The following PACRG variants were observed in gnomAD, a reference collection of about 807,000 sequenced individuals.
PACRG encodes the protein parkin coregulated.
A neutral mutation model predicts 29.7 loss-of-function variants in PACRG; 29 were observed. The observed-to-expected ratio is 0.98, with a 90% CI of 0.73 to 1.33. The LOEUF (loss-of-function observed/expected upper bound fraction) is 1.33. Among genes scored for constraint, PACRG ranks in the 40% most tolerant of loss-of-function variants. The probability of loss-of-function intolerance (pLI) is 0.00; values close to 1 mark genes in which losing one functional copy is unlikely to be tolerated. For missense variants in PACRG, 279 were observed against 316.2 expected (o/e 0.88, Z 0.89); for synonymous variants, 116 against 118.7 (o/e 0.98, Z 0.15).
At chr6:163,068,230 A>G (rs1475105481) in intron 3 of PACRG, among the ~76,000 whole-genome samples, 1 of 152,200 alleles carries the variant, frequency 6.6e-6, no homozygotes, top group African/African-American at 2.4e-5. Context: ...TATGAAAGGT[A>G]TATTTTTTAG....
chr6:163,122,401 G>A (rs938094584), intron 4 of PACRG, among the ~76,000 whole-genome samples: 3 of 152,166 alleles, frequency 2.0e-5, no homozygotes, highest in Admixed American at 1.3e-4. Context: ...GATCCCCACT[G>A]TTAGAGGTGG....
chr6:162,882,458 T>C (rs533071335), intron 2 of PACRG, among the ~76,000 whole-genome samples: 1 of 152,168 alleles, frequency 6.6e-6, no homozygotes, highest in East Asian at 1.9e-4. Flanking sequence ...ACCAAGACTA[T>C]AGATGGATGG....
chr6:162,947,391 TATATA>T (rs1799167710), intron 2 of PACRG, among the ~76,000 whole-genome samples: 2 of 42,578 alleles, frequency 4.7e-5, no homozygotes, highest in Non-Finnish European at 1.2e-4. Flanking sequence ...TATATAATCA[TATATA>T]ATATATAATC....
chr6:163,249,588 A>C (rs1334840093), intron 4 of PACRG, among the ~76,000 whole-genome samples: 2 of 152,194 alleles, frequency 1.3e-5, no homozygotes, highest in Non-Finnish European at 2.9e-5. Flanking sequence ...GCCTGCTTAC[A>C]TTCCTGGTTT....
intron 2 of PACRG, among the ~76,000 whole-genome samples, chr6:162,899,058 C>A (rs1282759828): frequency 6.6e-6 from 1 of 152,088 alleles, no homozygotes; most frequent in Non-Finnish European, 1.5e-5. Flanking sequence ...TGGTTATATC[C>A]TAGGACAAAG....
At chr6:162,856,184 G>T (rs372032919) in intron 2 of PACRG, among the ~76,000 whole-genome samples, 14 of 151,946 alleles carry the variant, frequency 9.2e-5, no homozygotes, top group African/African-American at 2.4e-4. Flanking sequence ...TCAGCCTCCC[G>T]AGTAGCTGGG....
chr6:162,986,292 C>G (rs1014416941), intron 2 of PACRG, among the ~76,000 whole-genome samples: 1 of 152,146 alleles, frequency 6.6e-6, no homozygotes, highest in Admixed American at 6.5e-5. Context: ...GAAGGCCTCA[C>G]ATTACTTAAC....
chr6:163,054,855 A>T (rs1239989337), intron 2 of PACRG, among the ~76,000 whole-genome samples: 1 of 152,136 alleles, frequency 6.6e-6, no homozygotes, highest in Admixed American at 6.5e-5. Context: ...TGGGCAGGAA[A>T]GATGGAGAGG....
intron 2 of PACRG, among the ~76,000 whole-genome samples, chr6:162,866,424 TAATATTTATGATTAAAGTCTGGC>T (rs1792301915): frequency 6.6e-6 from 1 of 152,188 alleles, no homozygotes; most frequent in Admixed American, 6.5e-5. Context: ...CTCTTTATTA[TAATATTTATGATTAAAGTCTGGC>T]AACATTTATG....
chr6:163,095,274 T>G (rs1275376045), intron 4 of PACRG: 1 of 985,190 alleles, frequency 1.0e-6, no homozygotes, highest in Non-Finnish European at 1.2e-6. Context: ...ATAAAAAGCA[T>G]CAGGGGAGTG....
chr6:163,239,880 ACT>A (rs1782408929), intron 4 of PACRG, among the ~76,000 whole-genome samples: 1 of 135,686 alleles, frequency 7.4e-6, no homozygotes, highest in Non-Finnish European at 1.5e-5. Flanking sequence ...ACATACACAC[ACT>A]CTGACACACA....
chr6:163,302,476 C>A (rs1391613800), intron 4 of PACRG, among the ~76,000 whole-genome samples: 7 of 152,166 alleles, frequency 4.6e-5, no homozygotes, highest in African/African-American at 1.7e-4. Flanking sequence ...TTATTTTTAA[C>A]TAAGACAGTT....
intron 2 of PACRG, among the ~76,000 whole-genome samples, chr6:162,995,543 G>A (rs546886242): frequency 3.9e-5 from 6 of 152,334 alleles, no homozygotes; most frequent in East Asian, 1.9e-4. Context: ...CTCAGAAAGC[G>A]AACTCCCTGA....
chr6:163,066,223 G>A (rs1811531760), intron 3 of PACRG, among the ~76,000 whole-genome samples: 1 of 152,152 alleles, frequency 6.6e-6, no homozygotes, highest in Non-Finnish European at 1.5e-5. Flanking sequence ...ATAATACTGA[G>A]GCTAAGATTT....
chr6:163,300,430 G>A (rs544658212), intron 4 of PACRG, among the ~76,000 whole-genome samples: 1 of 149,086 alleles, frequency 6.7e-6, no homozygotes, highest in South Asian at 2.2e-4. Context: ...GGTAGATGCG[G>A]GGATTTTCGC....
chr6:162,909,075 C>A (rs1299712820), intron 2 of PACRG, among the ~76,000 whole-genome samples: 1 of 152,168 alleles, frequency 6.6e-6, no homozygotes, highest in East Asian at 1.9e-4. Context: ...CCTTTTCCTG[C>A]TTTAGTCTCA....
At chr6:163,191,589 A>T (rs762861544) in intron 4 of PACRG, 1 of 454,738 alleles carries the variant, frequency 2.2e-6, no homozygotes, top group East Asian at 6.9e-5. Flanking sequence ...TCGTTGAGCT[A>T]AGATACACTC....
rs958548891 is a variant in PACRG, at chr6:163,033,917, G to T, written c.292-28233G>T. ...CCTAAGCCCATGTTCTATCCCTAGG[G>T]ACCCCTCATTGTGACAGAACAATAA... On this transcript the variant is annotated intron_variant, in intron 2 of 4. Transcript: ENST00000366888. 3.3e-5 allele frequency among the ~76,000 whole-genome samples: 5 copies of T among 152,232 alleles called. No homozygotes were observed. In the East Asian group the frequency reaches 9.7e-4, roughly 29 times the overall value.
At chr6:163,153,993 T>C (rs1778211653) in intron 4 of PACRG, among the ~76,000 whole-genome samples, 1 of 152,120 alleles carries the variant, frequency 6.6e-6, no homozygotes, top group Admixed American at 6.5e-5. Context: ...AGAACAGCGG[T>C]GATTTTGCAC....
Sources: gnomAD v4.1 joint callset for allele counts (sites outside exome capture counted in the v4.1 genomes callset) on GRCh38, gnomAD v4.1.1 for gene constraint, MANE v1.5 for transcripts, NCBI Gene and HGNC (gene_info 2026-07-23, HGNC 2026-07-21) for gene names.